IDO2: variants seen among roughly 807,000 people sequenced by gnomAD.
IDO2 encodes the protein indoleamine 2,3-dioxygenase 2.
Under a neutral mutation model 45.1 loss-of-function variants are expected in IDO2, and 46 were observed. The observed-to-expected ratio is 1.02, with a 90% CI of 0.80 to 1.30. The LOEUF (loss-of-function observed/expected upper bound fraction) is 1.30. Ranked by LOEUF, IDO2 falls within the 50% of genes most tolerant of loss-of-function variation. IDO2 has a pLI of 0.00. For missense variants in IDO2, 544 were observed against 491.8 expected (o/e 1.11, Z -1.00); for synonymous variants, 218 against 184.9 (o/e 1.18, Z -1.45).
At chr8:39,982,850 G>C in intron 5 of IDO2, 80 bp downstream of exon 5, 1 of 936,910 alleles carries the variant, frequency 1.1e-6, no homozygotes, top group Non-Finnish European at 1.6e-6. Context: ...AATTAGGGAA[G>C]TTCATATTTA....
chr8:39,988,385 A>G (rs1209982862), intron 7 of IDO2, among the ~76,000 whole-genome samples: 1 of 152,060 alleles, frequency 6.6e-6, no homozygotes, highest in Non-Finnish European at 1.5e-5. Flanking sequence ...ATAGAAGACA[A>G]AAGACAGTGA....
At position 40,001,245 on chromosome 8, in the gene IDO2, A is replaced by ATTT. The variant is rs1187145007; in HGVS notation, c.668-4060_668-4058dup. The stretch of plus-strand genomic sequence containing the variant: ...TTCTGTAAAATATGTGGCTTTCCTC[A>ATTT]TTTTTTTTTTTTTTTTTTTTTTTTG... On this transcript the variant is annotated intron_variant, in intron 8 of 10. Coordinates refer to ENST00000502986, the Ensembl canonical transcript of IDO2. Among the ~76,000 whole-genome samples the ATTT allele has an allele frequency of 9.8e-3, 928 of 94,384 alleles. 30 individuals are homozygous for ATTT. Among genetic ancestry groups the ATTT allele is most frequent in the South Asian group, 0.014 (35 of 2,440 alleles). The allele number at this position is 94,384 out of a possible 152,430, so 61.9% of individuals were successfully genotyped here.
exon 11 of IDO2, chr8:40,015,387 G>C (rs780320507): frequency 6.2e-7 from 1 of 1,613,942 alleles, no homozygotes; most frequent in Admixed American, 1.7e-5. Flanking sequence ...TAACCAGTGT[G>C]TGCAGGCCCT....
At chr8:39,978,595 C>G (rs369333155) in intron 3 of IDO2, among the ~76,000 whole-genome samples, 1 of 152,064 alleles carries the variant, frequency 6.6e-6, no homozygotes, top group African/African-American at 2.4e-5. Flanking sequence ...GGGTTGTGCT[C>G]CTGCTCCTGT....
intron 8 of IDO2, among the ~76,000 whole-genome samples, chr8:40,000,603 C>A (rs1802120982): frequency 6.6e-6 from 1 of 151,982 alleles, no homozygotes; most frequent in Non-Finnish European, 1.5e-5. Context: ...GCATTTTGTA[C>A]AAATAGACTA....
intron 8 of IDO2, among the ~76,000 whole-genome samples, chr8:40,004,586 A>T (rs1802192152): frequency 6.8e-6 from 1 of 148,032 alleles, no homozygotes; most frequent in African/African-American, 2.5e-5. Flanking sequence ...AGATAGATAG[A>T]TAATCTCAGA....
chr8:39,974,503 C>A (rs1808229271), intron 3 of IDO2, among the ~76,000 whole-genome samples: 1 of 152,176 alleles, frequency 6.6e-6, no homozygotes, highest in Non-Finnish European at 1.5e-5. Flanking sequence ...TTTTCTAGGG[C>A]CCGGCACGGT....
chr8:39,989,078 G>C (rs1808464570), intron 7 of IDO2, among the ~76,000 whole-genome samples: 1 of 152,146 alleles, frequency 6.6e-6, no homozygotes, highest in Non-Finnish European at 1.5e-5. Context: ...TCATAGTTCT[G>C]CATGGATGGG....
intron 1 of IDO2, among the ~76,000 whole-genome samples, chr8:39,943,832 G>T (rs190124436): frequency 6.0e-5 from 9 of 150,966 alleles, no homozygotes; most frequent in Admixed American, 2.0e-4. Flanking sequence ...AACAAGACAA[G>T]CACGCCAACT....
intron 3 of IDO2, among the ~76,000 whole-genome samples, chr8:39,965,842 C>T (rs55831608): frequency 0.17 from 26,506 of 151,868 alleles, 2,888 homozygotes; most frequent in South Asian, 0.32. Flanking sequence ...CAGAATGGAA[C>T]AAATTCTCCC....
chr8:39,994,882 A>G (rs1436801287), intron 8 of IDO2, among the ~76,000 whole-genome samples: 3 of 152,194 alleles, frequency 2.0e-5, no homozygotes, highest in Non-Finnish European at 4.4e-5. Flanking sequence ...TAAAAAAGAA[A>G]CAACCAAAGT....
At chr8:39,940,057 C>CA (rs1807620597) in intron 1 of IDO2, among the ~76,000 whole-genome samples, 1 of 152,146 alleles carries the variant, frequency 6.6e-6, no homozygotes, top group Admixed American at 6.5e-5. Context: ...CCCAAGACGC[C>CA]AAAATTCCCA....
intron 8 of IDO2, chr8:39,995,314 T>C (rs1395075021): frequency 6.7e-6 from 1 of 150,098 alleles, no homozygotes; most frequent in Admixed American, 6.8e-5. Flanking sequence ...GGAGTCTTGC[T>C]CTGTTGCCCA....
chr8:39,955,415 C>T (rs1028802585), intron 2 of IDO2, among the ~76,000 whole-genome samples: 5 of 151,790 alleles, frequency 3.3e-5, no homozygotes, highest in South Asian at 2.1e-4. Context: ...CCATCACACC[C>T]GGCTTATTTT....
At chr8:40,011,433 G>A (rs1351124396) in intron 9 of IDO2, among the ~76,000 whole-genome samples, 1 of 152,168 alleles carries the variant, frequency 6.6e-6, no homozygotes, top group Non-Finnish European at 1.5e-5. Context: ...CAGCAGTTAT[G>A]TCTTTCATGT....
At chr8:39,950,582 G>T (rs1361582424) in intron 2 of IDO2, among the ~76,000 whole-genome samples, 1 of 152,068 alleles carries the variant, frequency 6.6e-6, no homozygotes, top group Non-Finnish European at 1.5e-5. Flanking sequence ...CTGCAGAAAG[G>T]GTGCTACTCA....
chr8:39,962,009 T>G lies in IDO2; in HGVS notation c.100-1599T>G, dbSNP rs531194824. On this transcript the variant is annotated intron_variant, in intron 2 of 10. Coordinates refer to ENST00000502986, the Ensembl canonical transcript of IDO2. ...CTTACCATATGGTTTATGTTGCAAC[T>G]ACCAACTCTCCTGCTGTAATGTAAA... Among the ~76,000 whole-genome samples, 6 of 152,182 alleles carry G rather than the reference T, an allele frequency of 3.9e-5. No individual in the cohort carries two copies. The East Asian group carries it at 5.8e-4, about 15-fold the overall frequency.
At chr8:39,949,580 G>A (rs1364484838) in intron 2 of IDO2, among the ~76,000 whole-genome samples, 2 of 152,126 alleles carry the variant, frequency 1.3e-5, no homozygotes, top group East Asian at 1.9e-4. Flanking sequence ...AACAAATATA[G>A]AGCCTCAGCA....
chr8:39,944,510 C>T (rs903547504), intron 1 of IDO2, among the ~76,000 whole-genome samples: 1 of 152,180 alleles, frequency 6.6e-6, no homozygotes, highest in Non-Finnish European at 1.5e-5. Context: ...GCAGCCCCTT[C>T]CTCAAGGACT....
Sources: allele counts gnomAD v4.1 joint callset (sites outside exome capture counted in the v4.1 genomes callset), GRCh38; gene constraint gnomAD v4.1.1; transcripts MANE v1.5; gene names NCBI Gene and HGNC (gene_info 2026-07-23, HGNC 2026-07-21).